ZHX3: variants seen among roughly 807,000 people sequenced by gnomAD.
ZHX3 encodes zinc fingers and homeoboxes 3, also known as zinc fingers and homeoboxes protein 3.
Under a neutral mutation model 64.5 loss-of-function variants are expected in ZHX3, and 20 were observed. The ratio of observed to expected loss-of-function variants is 0.31; its 90% CI spans 0.22 to 0.45. ZHX3 has a LOEUF of 0.45. Ranked by LOEUF, ZHX3 falls within the 20% of genes least tolerant of loss-of-function variation. The pLI is 1.00. For missense variants in ZHX3, 1,041 were observed against 1,195.8 expected (o/e 0.87, Z 1.91); for synonymous variants, 423 against 461.6 (o/e 0.92, Z 1.07).
chr20:41,300,123 T>C (rs1240048971), intron 1 of ZHX3: 1 of 152,208 alleles, frequency 6.6e-6, no homozygotes, highest in Non-Finnish European at 1.5e-5. Context: ...AGAATGTTAG[T>C]GCTCATCACC....
intron 2 of ZHX3, among the ~76,000 whole-genome samples, chr20:41,235,919 A>T (rs1458915426): frequency 6.6e-6 from 1 of 152,264 alleles, no homozygotes; most frequent in East Asian, 1.9e-4. Flanking sequence ...CAACTTCAGC[A>T]AAGTCTCAGC....
intron 1 of ZHX3, among the ~76,000 whole-genome samples, chr20:41,312,073 A>G (rs1045181249): frequency 1.3e-5 from 2 of 152,224 alleles, no homozygotes; most frequent in African/African-American, 4.8e-5. Context: ...GGGTAAAGCC[A>G]GCTGGACTTC....
At chr20:41,197,284 CAT>C (rs903019291) in intron 3 of ZHX3, 2 of 140,312 alleles carry the variant, frequency 1.4e-5, no homozygotes, top group Non-Finnish European at 3.1e-5. Context: ...ATTTAAAATA[CAT>C]ATATATTTTA....
chr20:41,314,384 GA>G (rs757141354), intron 1 of ZHX3, among the ~76,000 whole-genome samples: 3 of 152,202 alleles, frequency 2.0e-5, no homozygotes, highest in Non-Finnish European at 4.4e-5. Context: ...GAAAAGGACA[GA>G]ATTGCCAGAA....
rs41277006 is a variant in ZHX3, at chr20:41,202,906, C to T, written c.2011G>A (p.Glu671Lys). 5,079 of 1,614,156 alleles carry T rather than the reference C, an allele frequency of 3.1e-3. 16 individuals are homozygous for T. The highest frequency in any genetic ancestry group is 4.8e-3 in the Middle Eastern group (29 of 6,062). The change falls in exon 3 of 4, where the codon GAG (glutamate) becomes AAG (lysine). Residue 671 changes from glutamate to lysine, a missense_variant. Physicochemically the swap from Glu to Lys is moderately conservative, Grantham distance 56 (BLOSUM62 1). Coordinates refer to ENST00000683867, the MANE Select transcript of ZHX3 (RefSeq NM_001384317.1). The surrounding 1 kb of genome is among the most constrained non-coding windows in gnomAD (Gnocchi z 7.0). ...GCATTCTCCTCAGCCTTCTTGGTCT[C>T]CTCAGCATTCACTTTTTTCCGTCTC... ...SERRKKVNAE[E>K]TKKAEENASQ...
At chr20:41,264,120 A>G (rs1028997543) in intron 2 of ZHX3, among the ~76,000 whole-genome samples, 1 of 152,108 alleles carries the variant, frequency 6.6e-6, no homozygotes, top group Admixed American at 6.6e-5. Context: ...TAAAAATCAA[A>G]TAACTAGGCC....
chr20:41,220,343 A>C (rs2039850371), intron 2 of ZHX3, among the ~76,000 whole-genome samples: 1 of 152,250 alleles, frequency 6.6e-6, no homozygotes, highest in Non-Finnish European at 1.5e-5. Context: ...CCGTAGAGGG[A>C]GGAGAAAACA....
chr20:41,262,545 C>G (rs756565165), intron 2 of ZHX3, among the ~76,000 whole-genome samples: 1 of 152,206 alleles, frequency 6.6e-6, no homozygotes, highest in Non-Finnish European at 1.5e-5. Context: ...ACCACTCCCT[C>G]TCTCTTTCTC....
At chr20:41,223,833 T>C (rs1326844620) in intron 2 of ZHX3, among the ~76,000 whole-genome samples, 1 of 152,242 alleles carries the variant, frequency 6.6e-6, no homozygotes, top group Non-Finnish European at 1.5e-5. Context: ...GAGAAGCTAA[T>C]GGCGTCAGAG....
At chr20:41,193,260 T>C (rs1271398744) in intron 3 of ZHX3, among the ~76,000 whole-genome samples, 1 of 152,204 alleles carries the variant, frequency 6.6e-6, no homozygotes, top group Admixed American at 6.5e-5. Flanking sequence ...TTGGGTCACG[T>C]CTACATCTTA....
Position 41,185,315 on chromosome 20 carries a change from TC to T in ZHX3, c.2861-115del. On this transcript the variant is annotated intron_variant, in intron 3 of 3. Transcript: ENST00000683867. The surrounding 1 kb of genome is among the most constrained non-coding windows in gnomAD (Gnocchi z 5.0). ...TCACTGGCTTTGAGGACCTCTTAAT[TC>T]CATGAGCAATGAATGGCCTTCTGCC... 7.9e-7 allele frequency: 1 copy of T among 1,268,502 alleles called. No individual in the cohort carries two copies. Among genetic ancestry groups the T allele is most frequent in the Non-Finnish European group, 1.1e-6 (1 of 924,336 alleles). 78.6% of individuals were successfully genotyped at this position (1,268,502 alleles called of 1,614,324 possible).
intron 1 of ZHX3, among the ~76,000 whole-genome samples, chr20:41,270,609 G>C (rs1258517637): frequency 1.3e-5 from 2 of 151,724 alleles, no homozygotes; most frequent in African/African-American, 2.4e-5. Flanking sequence ...CCGGGAGGTG[G>C]AGCTTACAGT....
Position 41,190,167 on chromosome 20 carries a change from G to A in ZHX3, c.2861-4966C>T, listed in dbSNP as rs77202645. ...TTGCATTATAATTTTTTGAGACAGAGTTTCGCTCTTGTAGCCCAGGCGGAA... is the reference window on the plus strand; with the variant it reads ...TTGCATTATAATTTTTTGAGACAGAATTTCGCTCTTGTAGCCCAGGCGGAA... On this transcript the variant is annotated intron_variant, in intron 3 of 3. Coordinates refer to ENST00000683867, the MANE Select transcript of ZHX3 (RefSeq NM_001384317.1). Among the ~76,000 whole-genome samples, 1,082 of 152,306 alleles carry A rather than the reference G, an allele frequency of 7.1e-3. 9 individuals are homozygous for A. The highest frequency in any genetic ancestry group is 0.025 in the African/African-American group (1,036 of 41,570).
rs140734093 is a variant in ZHX3, at chr20:41,203,921, G to A, written c.996C>T (p.Ala332=). 22 of 1,614,112 alleles carry A rather than the reference G, an allele frequency of 1.4e-5. No individual in the cohort carries two copies. The highest frequency in any genetic ancestry group is 2.7e-5 in the African/African-American group (2 of 74,950). ...SFHKFPYPTK[A]ELCYLTVVTK... ...TCACCACAGTCAAATAGCAGAGCTC[G>A]GCTTTGGTGGGGTAGGGGAACTTGT... The change falls in exon 3 of 4, where the codon GCC becomes GCT. Residue 332 remains alanine (A), a synonymous_variant. Transcript: ENST00000683867. This position sits in a 1 kb window ranked among gnomAD's most constrained non-coding sequence, Gnocchi z 7.1.
At chr20:41,280,314 GGCCCCACCGCAAT>G (rs2043612486) in intron 1 of ZHX3, among the ~76,000 whole-genome samples, 1 of 152,070 alleles carries the variant, frequency 6.6e-6, no homozygotes, top group South Asian at 2.1e-4. Flanking sequence ...CAATTGCCTG[GGCCCCACCGCAAT>G]GCAACTGAAT....
At chr20:41,229,644 T>C (rs2040475748) in intron 2 of ZHX3, among the ~76,000 whole-genome samples, 1 of 152,182 alleles carries the variant, frequency 6.6e-6, no homozygotes, top group Non-Finnish European at 1.5e-5. Flanking sequence ...TGATTTGTAT[T>C]GCCTAATTAT....
intron 2 of ZHX3, among the ~76,000 whole-genome samples, chr20:41,211,860 T>C (rs2039181642): frequency 1.3e-5 from 2 of 152,334 alleles, no homozygotes; most frequent in South Asian, 4.1e-4. Flanking sequence ...CATCAACATT[T>C]CTAAGCTCCT....
Position 41,204,924 on chromosome 20 carries a change from A to G in ZHX3, c.-8T>C. On this transcript the variant is annotated 5_prime_UTR_variant, in exon 3 of 4. Transcript: ENST00000683867. The surrounding 1 kb of genome is among the most constrained non-coding windows in gnomAD (Gnocchi z 6.6). ...TTTCCTCTTGCTGGCCATGGTGACA[A>G]TCACTGGGTGATCAGCAGTTGAGAG... 1 of 1,525,056 alleles carries G rather than the reference A, an allele frequency of 6.6e-7. No homozygotes were observed. 94.5% of individuals were successfully genotyped at this position (1,525,056 alleles called of 1,614,324 possible). A position where few individuals can be genotyped will look rare whatever the true frequency, so the allele number is the denominator to read the frequency against.
At chr20:41,304,756 T>C (rs2044924706) in intron 1 of ZHX3, among the ~76,000 whole-genome samples, 1 of 152,176 alleles carries the variant, frequency 6.6e-6, no homozygotes, top group Admixed American at 6.5e-5. Context: ...CTCGAACAAG[T>C]ACCCAGGAGA....
Sources: gnomAD v4.1 joint callset for allele counts (sites outside exome capture counted in the v4.1 genomes callset) on GRCh38, gnomAD v4.1.1 for gene constraint, Gnocchi (gnomAD v3.1) non-coding constraint, MANE v1.5 for transcripts, NCBI Gene and HGNC (gene_info 2026-07-23, HGNC 2026-07-21) for gene names.